The following PCP4 variants were observed in gnomAD, a reference collection of about 807,000 sequenced individuals.
PCP4 encodes calmodulin regulator protein PCP4.
A neutral mutation model predicts 10.0 loss-of-function variants in PCP4; 8 were observed. That is an observed-to-expected ratio of 0.80 (90% CI 0.47 to 1.45). PCP4 has a LOEUF of 1.45. Among genes scored for constraint, PCP4 ranks in the 40% most tolerant of loss-of-function variants. The pLI is 0.00. For missense variants in PCP4, 54 were observed against 74.4 expected (o/e 0.73, Z 1.01); for synonymous variants, 21 against 23.0 (o/e 0.91, Z 0.24).
At chr21:39,887,359 T>G (rs1259092967) in intron 1 of PCP4, among the ~76,000 whole-genome samples, 2 of 146,762 alleles carry the variant, frequency 1.4e-5, no homozygotes, top group African/African-American at 5.0e-5. Flanking sequence ...TTTTTTGGTT[T>G]TTTTTTTTTT....
rs2087508946 is a variant in PCP4, at chr21:39,906,258, G to C, written c.61+7731G>C. 6.6e-6 allele frequency among the ~76,000 whole-genome samples: 1 copy of C among 152,184 alleles called. No homozygotes were observed. The highest frequency in any genetic ancestry group is 2.1e-4 in the South Asian group (1 of 4,834). ...TTCTCCTGACTTCCCTCTTGACCAG[G>C]GTCTTGTTTGTAAATGGGCAACTTG... On this transcript the variant is annotated intron_variant, in intron 2 of 2. Coordinates refer to ENST00000328619, the MANE Select transcript of PCP4 (RefSeq NM_006198.3). The surrounding 1 kb of genome is among the most constrained non-coding windows in gnomAD (Gnocchi z 6.3).
intron 1 of PCP4, among the ~76,000 whole-genome samples, chr21:39,875,287 C>A (rs2087339499): frequency 6.8e-6 from 1 of 147,834 alleles, no homozygotes; most frequent in African/African-American, 2.5e-5. Flanking sequence ...GCAGAGAAAT[C>A]TCTGATGCAA....
At chr21:39,888,269 C>G (rs2250341) in intron 1 of PCP4, among the ~76,000 whole-genome samples, 4 of 152,138 alleles carry the variant, frequency 2.6e-5, no homozygotes, top group Non-Finnish European at 4.4e-5. Flanking sequence ...CTCAGCAACT[C>G]TGTGGTAGAC....
chr21:39,910,532 G>A lies in PCP4; in HGVS notation c.61+12005G>A, dbSNP rs569766521. ...GAAAATGGGCCAGGCCATGAGAAAT[G>A]GTCCATGCAGATGCTGGGTTGTAGA... On this transcript the variant is annotated intron_variant, in intron 2 of 2. Transcript: ENST00000328619. Among the ~76,000 whole-genome samples, 7 of 152,300 alleles carry A rather than the reference G, an allele frequency of 4.6e-5. No homozygotes were observed. In the South Asian group the frequency reaches 1.0e-3, roughly 23 times the overall value.
At position 39,868,824 on chromosome 21, in the gene PCP4, C is replaced by T. The variant is rs541566713; in HGVS notation, c.9+1314C>T. On this transcript the variant is annotated intron_variant, in intron 1 of 2. Coordinates refer to ENST00000328619, the MANE Select transcript of PCP4 (RefSeq NM_006198.3). ...GCTGCAATGCTGGGTGGTTGACTGCCGGGTGAATCTTGATGTCTAAATGTG... is the reference window on the plus strand; with the variant it reads ...GCTGCAATGCTGGGTGGTTGACTGCTGGGTGAATCTTGATGTCTAAATGTG... 3.9e-4 allele frequency among the ~76,000 whole-genome samples: 59 copies of T among 152,194 alleles called. 1 individual carries two copies. The highest frequency in any genetic ancestry group is 1.5e-3 in the South Asian group (7 of 4,804).
intron 1 of PCP4, among the ~76,000 whole-genome samples, chr21:39,880,782 G>T (rs568921415): frequency 1.3e-5 from 2 of 152,154 alleles, no homozygotes; most frequent in African/African-American, 4.8e-5. Flanking sequence ...TAGTAATTCC[G>T]GGATCAATAT....
intron 2 of PCP4, among the ~76,000 whole-genome samples, chr21:39,916,589 T>C (rs2087569488): frequency 1.3e-5 from 2 of 152,178 alleles, no homozygotes; most frequent in South Asian, 4.1e-4. Flanking sequence ...GAAATACCAT[T>C]TGACCCAGCA....
At chr21:39,899,131 G>T (rs907065057) in intron 2 of PCP4, among the ~76,000 whole-genome samples, 8 of 152,184 alleles carry the variant, frequency 5.3e-5, no homozygotes, top group Non-Finnish European at 1.0e-4. Context: ...TGGAGGCTTG[G>T]CATTGGGGTG....
At chr21:39,926,019 C>G (rs1413979140) in intron 2 of PCP4, 2 of 456,098 alleles carry the variant, frequency 4.4e-6, no homozygotes, top group South Asian at 1.5e-5. Flanking sequence ...GCCACCGAGT[C>G]TAATTGGTTG....
chr21:39,910,058 G>A (rs991939457), intron 2 of PCP4, among the ~76,000 whole-genome samples: 1 of 151,966 alleles, frequency 6.6e-6, no homozygotes, highest in Non-Finnish European at 1.5e-5. Context: ...GGCCTCCCAA[G>A]CCTTCTTCAA....
At chr21:39,926,340 C>T (rs1568863466) in intron 2 of PCP4, 1 of 155,694 alleles carries the variant, frequency 6.4e-6, no homozygotes, top group Non-Finnish European at 1.4e-5. Flanking sequence ...CCTTAATATA[C>T]ATAATTTTCT....
chr21:39,894,242 C>T (rs993748460), intron 1 of PCP4, among the ~76,000 whole-genome samples: 4 of 152,084 alleles, frequency 2.6e-5, no homozygotes, highest in African/African-American at 9.7e-5. Flanking sequence ...TGACTTTTTC[C>T]TCTACTACCC....
intron 2 of PCP4, among the ~76,000 whole-genome samples, chr21:39,922,066 G>T (rs1452103247): frequency 6.6e-6 from 1 of 152,112 alleles, no homozygotes; most frequent in Non-Finnish European, 1.5e-5. Flanking sequence ...TGCCCAGGCT[G>T]GTCTCAAACT....
intron 2 of PCP4, among the ~76,000 whole-genome samples, chr21:39,914,368 G>A (rs2087557779): frequency 6.6e-6 from 1 of 152,172 alleles, no homozygotes; most frequent in African/African-American, 2.4e-5. Context: ...GAGGTCAGGA[G>A]TTCGAGATCA....
At chr21:39,897,281 T>C (rs2087461412) in intron 1 of PCP4, among the ~76,000 whole-genome samples, 1 of 151,200 alleles carries the variant, frequency 6.6e-6, no homozygotes, top group African/African-American at 2.4e-5. Flanking sequence ...CCAGCTACTC[T>C]GTAGGCTGAG....
rs954763744 is a variant in PCP4 at position 39,884,177 on chromosome 21, C to CT, written c.10-14287dup. ...TTCGATGAGTTTTGACATATGCAGT[C>CT]TTTTTTTTTTTTCTTTTGAGAGATG... On this transcript the variant is annotated intron_variant, in intron 1 of 2. Coordinates refer to ENST00000328619, the MANE Select transcript of PCP4 (RefSeq NM_006198.3). Among the ~76,000 whole-genome samples, 386 of 144,612 alleles carry CT rather than the reference C, an allele frequency of 2.7e-3. 2 individuals carry two copies. Among genetic ancestry groups the CT allele is most frequent in the African/African-American group, 7.5e-3 (297 of 39,596 alleles). 94.9% of individuals were successfully genotyped at this position (144,612 alleles called of 152,430 possible). A position where few individuals can be genotyped will look rare whatever the true frequency, so the allele number is the denominator to read the frequency against.
At chr21:39,904,246 T>A (rs2087495972) in intron 2 of PCP4, among the ~76,000 whole-genome samples, 1 of 152,168 alleles carries the variant, frequency 6.6e-6, no homozygotes, top group Non-Finnish European at 1.5e-5. Context: ...CCCTGGCCCT[T>A]TGTGGCTCCA....
chr21:39,885,425 C>T (rs369968875), intron 1 of PCP4, among the ~76,000 whole-genome samples: 9 of 152,332 alleles, frequency 5.9e-5, no homozygotes, highest in African/African-American at 1.7e-4. Flanking sequence ...CTCTGCCAGG[C>T]GCTGCCCTCA....
chr21:39,903,932 A>T (rs972769161), intron 2 of PCP4, among the ~76,000 whole-genome samples: 1 of 151,118 alleles, frequency 6.6e-6, no homozygotes, highest in Non-Finnish European at 1.5e-5. Context: ...TATGATTGCC[A>T]AGAATAAATA....
Sources: gnomAD v4.1 joint callset for allele counts (sites outside exome capture counted in the v4.1 genomes callset) on GRCh38, gnomAD v4.1.1 for gene constraint, Gnocchi (gnomAD v3.1) non-coding constraint, MANE v1.5 for transcripts, NCBI Gene and HGNC (gene_info 2026-07-23, HGNC 2026-07-21) for gene names.